NRCAM: variants seen among roughly 807,000 people sequenced by gnomAD.
NRCAM encodes NgCAM-related cell adhesion molecule.
In NRCAM, 83 loss-of-function variants were observed where a neutral mutation model predicts 156.5. That is an observed-to-expected ratio of 0.53 (90% CI 0.44 to 0.64). The LOEUF (loss-of-function observed/expected upper bound fraction) is 0.64. NRCAM is among the 30% of genes least tolerant of loss of function. The pLI is 0.00. For synonymous variants in NRCAM, 538 were observed against 563.9 expected (o/e 0.95, Z 0.65); for missense variants, 1,417 against 1,597.3 (o/e 0.89, Z 1.92).
At chr7:108,288,993 A>T (rs914047436) in intron 3 of NRCAM, among the ~76,000 whole-genome samples, 1 of 152,056 alleles carries the variant, frequency 6.6e-6, no homozygotes, top group Non-Finnish European at 1.5e-5. Context: ...GATCAGCCTG[A>T]TTGGAATAGC....
intron 3 of NRCAM, among the ~76,000 whole-genome samples, chr7:108,304,569 C>T (rs2098687199): frequency 6.6e-6 from 1 of 152,084 alleles, no homozygotes; most frequent in African/African-American, 2.4e-5. Flanking sequence ...AAGATGGCCA[C>T]CAGACAGGCA....
intron 1 of NRCAM, among the ~76,000 whole-genome samples, chr7:108,399,974 C>T (rs1402769254): frequency 6.6e-6 from 1 of 152,186 alleles, no homozygotes; most frequent in Non-Finnish European, 1.5e-5. Flanking sequence ...ACATCAACAA[C>T]AGGCCGTGGC....
intron 24 of NRCAM, 95 bp downstream of exon 24, chr7:108,181,727 A>T: frequency 1.4e-6 from 1 of 712,720 alleles, no homozygotes; most frequent in Non-Finnish European, 2.3e-6. Flanking sequence ...CAAAGCAATG[A>T]AACAAATAAG....
At chr7:108,338,113 G>C (rs2154263236) in intron 2 of NRCAM, among the ~76,000 whole-genome samples, 1 of 152,370 alleles carries the variant, frequency 6.6e-6, no homozygotes, top group Non-Finnish European at 1.5e-5. Context: ...GGGCCGACTA[G>C]AGGCAGAAAG....
intron 28 of NRCAM, among the ~76,000 whole-genome samples, chr7:108,168,991 G>A (rs1243574847): frequency 6.6e-6 from 1 of 152,146 alleles, no homozygotes; most frequent in East Asian, 1.9e-4. Context: ...AATGATGGAT[G>A]GTAAGGGTAT....
At chr7:108,173,983 T>C (rs1333038906) in intron 28 of NRCAM, among the ~76,000 whole-genome samples, 1 of 152,232 alleles carries the variant, frequency 6.6e-6, no homozygotes. Context: ...CTATCAGCTC[T>C]AGGCACAGCC....
At chr7:108,299,142 A>AAAGAAAGAAAGAAAGAAAG (rs1563164873) in intron 3 of NRCAM, among the ~76,000 whole-genome samples, 1 of 78,638 alleles carries the variant, frequency 1.3e-5, no homozygotes, top group Non-Finnish European at 2.8e-5. Context: ...AAGAAAGAAA[A>AAAGAAAGAAAGAAAGAAAG]GAAAAGTAAA....
At chr7:108,357,834 T>C (rs1294393494) in intron 2 of NRCAM, among the ~76,000 whole-genome samples, 1 of 152,210 alleles carries the variant, frequency 6.6e-6, no homozygotes, top group East Asian at 1.9e-4. Flanking sequence ...AGTTGGGTTT[T>C]CCCCTCCATC....
At chr7:108,255,274 C>G (rs1384016057) in intron 3 of NRCAM, among the ~76,000 whole-genome samples, 1 of 150,856 alleles carries the variant, frequency 6.6e-6, no homozygotes, top group African/African-American at 2.4e-5. Flanking sequence ...CTGCCTGATT[C>G]TCCTGCCTCA....
chr7:108,204,465 T>C (rs2079951067), intron 13 of NRCAM, among the ~76,000 whole-genome samples: 1 of 152,212 alleles, frequency 6.6e-6, no homozygotes, highest in South Asian at 2.1e-4. Flanking sequence ...CATCATCTTT[T>C]AGTTATGAGA....
intron 2 of NRCAM, among the ~76,000 whole-genome samples, chr7:108,357,469 T>G (rs1051418315): frequency 2.0e-5 from 3 of 152,068 alleles, no homozygotes; most frequent in South Asian, 2.1e-4. Flanking sequence ...TAGCTGGGAT[T>G]ACAGGTGCCT....
At chr7:108,332,528 T>C (rs933701652) in intron 2 of NRCAM, among the ~76,000 whole-genome samples, 1 of 152,160 alleles carries the variant, frequency 6.6e-6, no homozygotes, top group South Asian at 2.1e-4. Flanking sequence ...AGAGTACATA[T>C]GGGTTTTCCA....
intron 26 of NRCAM, 120 bp from the exon 27 acceptor site, chr7:108,176,726 C>A (rs936974812): frequency 5.7e-6 from 4 of 703,246 alleles, no homozygotes; most frequent in African/African-American, 5.4e-5. Flanking sequence ...TATAATCCCA[C>A]TCACTCTTTC....
At chr7:108,209,634 CA>C (rs34741953) in intron 11 of NRCAM, 29 bp from the exon 12 acceptor site, 3 of 1,501,234 alleles carry the variant, frequency 2.0e-6, no homozygotes, top group Admixed American at 2.4e-5. Context: ...AATGATGTTA[CA>C]AAAAAGGAAT....
chr7:108,371,817 A>T (rs1409169455), intron 2 of NRCAM, among the ~76,000 whole-genome samples: 3 of 152,160 alleles, frequency 2.0e-5, no homozygotes, highest in Non-Finnish European at 4.4e-5. Context: ...TACAGATTCA[A>T]TACAATGCTT....
chr7:108,274,749 T>G (rs181047450), intron 3 of NRCAM, among the ~76,000 whole-genome samples: 2 of 152,346 alleles, frequency 1.3e-5, no homozygotes, highest in Admixed American at 6.5e-5. Flanking sequence ...CTTGCTTGAT[T>G]GTCCTGGCCA....
chr7:108,305,846 GAAAACT>G (rs1249939071), intron 3 of NRCAM, among the ~76,000 whole-genome samples: 2 of 152,090 alleles, frequency 1.3e-5, no homozygotes, highest in Non-Finnish European at 2.9e-5. Flanking sequence ...AAAGTTATCT[GAAAACT>G]AATACATTTC....
At chr7:108,407,634 T>C (rs955702213) in intron 1 of NRCAM, among the ~76,000 whole-genome samples, 8 of 152,176 alleles carry the variant, frequency 5.3e-5, no homozygotes, top group African/African-American at 1.9e-4. Context: ...GCAGTCTGCC[T>C]GATTGGAAGG....
At chr7:108,271,838 C>A (rs937514333) in intron 3 of NRCAM, among the ~76,000 whole-genome samples, 11 of 152,206 alleles carry the variant, frequency 7.2e-5, no homozygotes, top group African/African-American at 2.2e-4. Flanking sequence ...ACAACTCACA[C>A]TCTTCCTGGC....
Sources: allele counts gnomAD v4.1 joint callset (sites outside exome capture counted in the v4.1 genomes callset), GRCh38; gene constraint gnomAD v4.1.1; transcripts MANE v1.5; gene names NCBI Gene and HGNC (gene_info 2026-07-23, HGNC 2026-07-21).